The following NAV2 variants were observed in gnomAD, a reference collection of about 807,000 sequenced individuals.
NAV2 encodes neuron navigator 2.
A neutral mutation model predicts 223.2 loss-of-function variants in NAV2; 54 were observed. That is an observed-to-expected ratio of 0.24 (90% CI 0.19 to 0.30). The LOEUF (loss-of-function observed/expected upper bound fraction) is 0.30. NAV2 is among the 10% of genes least tolerant of loss of function. The probability of loss-of-function intolerance (pLI) is 1.00; values close to 1 mark genes in which losing one functional copy is unlikely to be tolerated. For missense variants in NAV2, 2,806 were observed against 3,147.5 expected (o/e 0.89, Z 2.60); for synonymous variants, 1,279 against 1,239.3 (o/e 1.03, Z -0.67).
At chr11:19,861,317 G>T (rs947729472) in intron 3 of NAV2, among the ~76,000 whole-genome samples, 16 of 152,168 alleles carry the variant, frequency 1.1e-4, no homozygotes, top group Admixed American at 1.0e-3. Context: ...GGAGAGCTGT[G>T]CTTGAGAGGA....
intron 36 of NAV2, among the ~76,000 whole-genome samples, chr11:20,108,606 C>CTTT (rs5790107): frequency 4.1e-5 from 5 of 121,758 alleles, no homozygotes; most frequent in African/African-American, 1.5e-4. Context: ...CCACACCTGG[C>CTTT]TTTTTTTTTT....
chr11:19,766,011 C>T (rs1182794503), intron 1 of NAV2, among the ~76,000 whole-genome samples: 1 of 152,104 alleles, frequency 6.6e-6, no homozygotes, highest in African/African-American at 2.4e-5. Context: ...TCTCATTCCT[C>T]ACTCTCCCTC....
chr11:19,350,995 C>G, exon 1 of NAV2: 1 of 1,551,716 alleles, frequency 6.4e-7, no homozygotes, highest in Non-Finnish European at 8.7e-7. Flanking sequence ...GAAGAGAAAG[C>G]CAGTTATCCA....
intron 10 of NAV2, among the ~76,000 whole-genome samples, chr11:19,960,889 A>G (rs1424910004): frequency 6.6e-6 from 1 of 151,944 alleles, no homozygotes; most frequent in Non-Finnish European, 1.5e-5. Context: ...CTGGGATTAC[A>G]GGTGTGAACC....
At chr11:19,656,653 GT>G (rs2048134957) in intron 1 of NAV2, among the ~76,000 whole-genome samples, 1 of 152,178 alleles carries the variant, frequency 6.6e-6, no homozygotes, top group African/African-American at 2.4e-5. Context: ...TTGGTACAGG[GT>G]GCCTGGGGAC....
At chr11:20,067,363 C>G (rs2059113635) in intron 20 of NAV2, among the ~76,000 whole-genome samples, 1 of 152,174 alleles carries the variant, frequency 6.6e-6, no homozygotes, top group Non-Finnish European at 1.5e-5. Context: ...CTTCCTTGCT[C>G]CCTAGACAGG....
At chr11:19,528,928 C>CAAAA (rs528321807) in intron 1 of NAV2, among the ~76,000 whole-genome samples, 3 of 82,358 alleles carry the variant, frequency 3.6e-5, no homozygotes, top group Non-Finnish European at 7.1e-5. Flanking sequence ...GACTCCATCT[C>CAAAA]AAAAAAAAAA....
intron 19 of NAV2, chr11:20,056,640 G>C: frequency 6.3e-7 from 1 of 1,582,194 alleles, no homozygotes; most frequent in South Asian, 1.1e-5. Flanking sequence ...TGAGTAAGCA[G>C]TCAAAATTCT....
At chr11:20,051,739 G>A (rs1337006603) in intron 17 of NAV2, among the ~76,000 whole-genome samples, 1 of 152,182 alleles carries the variant, frequency 6.6e-6, no homozygotes, top group Admixed American at 6.5e-5. Flanking sequence ...CAAGAGCACA[G>A]GAGGCAAGGA....
chr11:19,932,583 T>C (rs1213877473), intron 6 of NAV2, among the ~76,000 whole-genome samples: 1 of 152,200 alleles, frequency 6.6e-6, no homozygotes, highest in Non-Finnish European at 1.5e-5. Flanking sequence ...CCTCCCAAAG[T>C]ACTGGGATTA....
At chr11:19,935,332 GCTGTACA>G (rs2045751153) in intron 7 of NAV2, among the ~76,000 whole-genome samples, 1 of 152,236 alleles carries the variant, frequency 6.6e-6, no homozygotes, top group South Asian at 2.1e-4. Context: ...CAGATGCACA[GCTGTACA>G]CTCACACTCA....
chr11:19,627,928 AG>A (rs146010228), intron 1 of NAV2, among the ~76,000 whole-genome samples: 46,982 of 128,384 alleles, frequency 0.37, 8,167 homozygotes, highest in Middle Eastern at 0.53. Context: ...AAAAAAAAAA[AG>A]AAGAAGAAGA....
chr11:19,678,003 A>G (rs1299732895), intron 1 of NAV2, among the ~76,000 whole-genome samples: 1 of 152,140 alleles, frequency 6.6e-6, no homozygotes, highest in African/African-American at 2.4e-5. Flanking sequence ...TCCTTTGAGG[A>G]GAAGAGAATC....
chr11:19,597,836 G>A (rs757834886), intron 1 of NAV2, among the ~76,000 whole-genome samples: 11 of 152,222 alleles, frequency 7.2e-5, no homozygotes, highest in South Asian at 4.1e-4. Flanking sequence ...ACTGGGGTGC[G>A]TGTGTTTGTC....
At chr11:19,741,284 C>A (rs2052771203) in intron 1 of NAV2, among the ~76,000 whole-genome samples, 1 of 152,004 alleles carries the variant, frequency 6.6e-6, no homozygotes, top group African/African-American at 2.4e-5. Flanking sequence ...GTACTTAAAA[C>A]CTACTCTCTT....
At chr11:19,798,707 C>T (rs1223067624) in intron 1 of NAV2, among the ~76,000 whole-genome samples, 1 of 152,098 alleles carries the variant, frequency 6.6e-6, no homozygotes, top group Non-Finnish European at 1.5e-5. Context: ...CTCATAGCTG[C>T]CTTCATGTGT....
intron 1 of NAV2, among the ~76,000 whole-genome samples, chr11:19,743,133 T>C (rs1345907918): frequency 6.6e-6 from 1 of 152,232 alleles, no homozygotes; most frequent in African/African-American, 2.4e-5. Flanking sequence ...TGACAACCTA[T>C]GTGAACTTGT....
intron 1 of NAV2, among the ~76,000 whole-genome samples, chr11:19,729,874 G>A (rs1440236665): frequency 2.6e-5 from 4 of 152,184 alleles, no homozygotes; most frequent in African/African-American, 9.7e-5. Flanking sequence ...ACTGGATCAG[G>A]AAGAGCTACA....
chr11:19,413,562 G>A (rs1186977052), intron 1 of NAV2, among the ~76,000 whole-genome samples: 1 of 152,096 alleles, frequency 6.6e-6, no homozygotes, highest in Non-Finnish European at 1.5e-5. Flanking sequence ...TCAAATTCAG[G>A]AAATACAGAG....
Sources: allele counts gnomAD v4.1 joint callset (sites outside exome capture counted in the v4.1 genomes callset), GRCh38; gene constraint gnomAD v4.1.1; transcripts MANE v1.5; gene names NCBI Gene and HGNC (gene_info 2026-07-23, HGNC 2026-07-21).